SFRP1: variants seen among roughly 807,000 people sequenced by gnomAD.
SFRP1 encodes secreted frizzled-related protein 1.
A neutral mutation model predicts 25.9 loss-of-function variants in SFRP1; 9 were observed. That is an observed-to-expected ratio of 0.35 (90% CI 0.21 to 0.61). SFRP1 has a LOEUF of 0.61. Ranked by LOEUF, SFRP1 falls within the 20% of genes least tolerant of loss-of-function variation. The pLI is 0.78. For synonymous variants in SFRP1, 178 were observed against 174.0 expected, an observed-to-expected ratio of 1.02 and a Z score of -0.18; for missense variants, 346 against 418.2, an observed-to-expected ratio of 0.83 and a Z score of 1.51.
At chr8:41,285,359 C>T (rs763490897) in intron 2 of SFRP1, among the ~76,000 whole-genome samples, 22 of 152,092 alleles carry the variant, frequency 1.4e-4, no homozygotes, top group Non-Finnish European at 2.8e-4. Flanking sequence ...CACTCATTTC[C>T]GGAAGGGTGA....
intron 1 of SFRP1, among the ~76,000 whole-genome samples, chr8:41,308,222 A>T (rs968428): frequency 0.38 from 58,548 of 152,230 alleles, 12,277 homozygotes; most frequent in Admixed American, 0.47. Flanking sequence ...AGAGGTTAAA[A>T]ACTTCGATAG....
In SFRP1 at chr8:41,263,673, C is replaced by T. The variant is rs766904920; in HGVS notation, c.*1494G>A. ...ATTTTTTTTAGAACTACTTCCTGTA[C>T]ATTGGACAAGAAGGGTAAAGTTGTC... On this transcript the variant is annotated 3_prime_UTR_variant, in exon 3 of 3. Transcript: ENST00000220772. 1.3e-5 allele frequency: 2 copies of T among 152,186 alleles called. No individual in the cohort carries two copies. Among genetic ancestry groups the T allele is most frequent in the South Asian group, 4.1e-4 (2 of 4,830 alleles). The allele number at this position is 152,186 out of a possible 1,614,324, so 9.4% of individuals were successfully genotyped here. A position where few individuals can be genotyped will look rare whatever the true frequency, so the allele number is the denominator to read the frequency against.
Position 41,290,322 on chromosome 8 carries a change from T to G in SFRP1, c.622+13139A>C, listed in dbSNP as rs184634944. Among the ~76,000 whole-genome samples the G allele has an allele frequency of 2.4e-3, 370 of 152,350 alleles. 2 individuals are homozygous for G. The highest frequency in any genetic ancestry group is 8.4e-3 in the African/African-American group (351 of 41,580). On this transcript the variant is annotated intron_variant, in intron 2 of 2. Coordinates refer to ENST00000220772, the MANE Select transcript of SFRP1 (RefSeq NM_003012.5). ...CACTGCAGCCTCTCCTGCCTCCCTC[T>G]TTCAGGGAAGCTCCAGACACCTGGG...
chr8:41,281,794 G>A (rs980913583), intron 2 of SFRP1, among the ~76,000 whole-genome samples: 2 of 152,176 alleles, frequency 1.3e-5, no homozygotes, highest in Admixed American at 1.3e-4. Context: ...TGGCCAACTG[G>A]GAAAGGCACA....
chr8:41,281,106 T>C (rs1241737027), intron 2 of SFRP1, among the ~76,000 whole-genome samples: 1 of 152,202 alleles, frequency 6.6e-6, no homozygotes, highest in Non-Finnish European at 1.5e-5. Context: ...CCCTCTCCTC[T>C]ATTTCCTTTT....
chr8:41,303,431 T>C, intron 2 of SFRP1, 30 bp downstream of exon 2: 1 of 1,577,462 alleles, frequency 6.3e-7, no homozygotes, highest in Non-Finnish European at 8.7e-7. Context: ...GTTCCAAACC[T>C]TCCAGAGGCA....
intron 2 of SFRP1, among the ~76,000 whole-genome samples, chr8:41,280,814 TAGAC>T (rs916409097): frequency 6.6e-6 from 1 of 152,118 alleles, no homozygotes; most frequent in African/African-American, 2.4e-5. Flanking sequence ...AGGGCACACA[TAGAC>T]AGAGCTTTGC....
At chr8:41,268,543 A>G (rs2117478987) in intron 2 of SFRP1, among the ~76,000 whole-genome samples, 1 of 152,310 alleles carries the variant, frequency 6.6e-6, no homozygotes, top group Admixed American at 6.5e-5. Flanking sequence ...GAGTATGGGA[A>G]TGTGTTACAC....
At chr8:41,294,872 C>T (rs193277812) in intron 2 of SFRP1, among the ~76,000 whole-genome samples, 3 of 152,150 alleles carry the variant, frequency 2.0e-5, no homozygotes, top group South Asian at 4.2e-4. Context: ...CTGCTCCTGC[C>T]GCTTTGAGGA....
chr8:41,296,124 T>C (rs1411570482), intron 2 of SFRP1, among the ~76,000 whole-genome samples: 1 of 152,044 alleles, frequency 6.6e-6, no homozygotes, highest in Non-Finnish European at 1.5e-5. Context: ...CAGACTGCAG[T>C]CCAGGTCCTC....
chr8:41,290,157 G>A (rs972113794), intron 2 of SFRP1, among the ~76,000 whole-genome samples: 1 of 152,230 alleles, frequency 6.6e-6, no homozygotes, highest in African/African-American at 2.4e-5. Context: ...AAACACACAT[G>A]TGTGCACAGC....
intron 2 of SFRP1, among the ~76,000 whole-genome samples, chr8:41,272,657 G>A (rs567406302): frequency 1.3e-4 from 20 of 152,192 alleles, no homozygotes; most frequent in South Asian, 8.3e-4. Context: ...AGATAAGGTT[G>A]AAGAAATTTC....
At chr8:41,304,668 G>GC (rs934003111) in intron 1 of SFRP1, among the ~76,000 whole-genome samples, 9 of 151,988 alleles carry the variant, frequency 5.9e-5, no homozygotes, top group African/African-American at 1.4e-4. Context: ...CTCCCCATCA[G>GC]CCCCCCTTAT....
At chr8:41,279,780 A>G (rs1015946751) in intron 2 of SFRP1, among the ~76,000 whole-genome samples, 1 of 151,848 alleles carries the variant, frequency 6.6e-6, no homozygotes. Context: ...GAAAGCAAAA[A>G]AAAAAAAAAA....
chr8:41,282,518 A>C (rs1803646302), intron 2 of SFRP1, among the ~76,000 whole-genome samples: 1 of 152,198 alleles, frequency 6.6e-6, no homozygotes, highest in Admixed American at 6.5e-5. Context: ...GCCTCCAAAA[A>C]CACACAAAAA....
intron 2 of SFRP1, among the ~76,000 whole-genome samples, chr8:41,269,059 G>T (rs957065044): frequency 6.6e-6 from 1 of 152,202 alleles, no homozygotes; most frequent in Non-Finnish European, 1.5e-5. Context: ...ACCATCTGAG[G>T]AGCCCCTGCT....
In SFRP1 at chr8:41,264,398, G is replaced by C. The variant is rs1446003165; in HGVS notation, c.*769C>G. 6 of 152,292 alleles carry C rather than the reference G, an allele frequency of 3.9e-5. No homozygotes were observed. The East Asian group carries it at 9.6e-4, about 24-fold the overall frequency. The allele number at this position is 152,292 out of a possible 1,614,324, so 9.4% of individuals were successfully genotyped here. A position where few individuals can be genotyped will look rare whatever the true frequency, so the allele number is the denominator to read the frequency against. Reference sequence around the variant, plus strand: ...AATCGCCGTCTCTCTCAGGCTCACTGTGGTTTCCTTTTTCTGACACAAAGG... The same window carrying C: ...AATCGCCGTCTCTCTCAGGCTCACTCTGGTTTCCTTTTTCTGACACAAAGG... On this transcript the variant is annotated 3_prime_UTR_variant, in exon 3 of 3. Coordinates refer to ENST00000220772, the MANE Select transcript of SFRP1 (RefSeq NM_003012.5).
chr8:41,273,256 G>A (rs1475329862), intron 2 of SFRP1, among the ~76,000 whole-genome samples: 1 of 152,182 alleles, frequency 6.6e-6, no homozygotes, highest in South Asian at 2.1e-4. Flanking sequence ...TTGGGAGGCA[G>A]AGGTAGGCAG....
At chr8:41,300,103 GT>G (rs1337773245) in intron 2 of SFRP1, among the ~76,000 whole-genome samples, 3 of 152,180 alleles carry the variant, frequency 2.0e-5, no homozygotes, top group African/African-American at 7.2e-5. Flanking sequence ...GTAAAACACT[GT>G]CCCCCAAACA....
Sources: gnomAD v4.1 joint callset for allele counts (sites outside exome capture counted in the v4.1 genomes callset) on GRCh38, gnomAD v4.1.1 for gene constraint, MANE v1.5 for transcripts, NCBI Gene and HGNC (gene_info 2026-07-23, HGNC 2026-07-21) for gene names.